PTPRB: variants seen among roughly 807,000 people sequenced by gnomAD.
The protein encoded by PTPRB is receptor-type tyrosine-protein phosphatase beta.
A neutral mutation model predicts 238.1 loss-of-function variants in PTPRB; 97 were observed. The ratio of observed to expected loss-of-function variants is 0.41; its 90% CI spans 0.35 to 0.48. PTPRB has a LOEUF of 0.48. PTPRB is among the 20% of genes least tolerant of loss of function. The pLI is 0.30. For synonymous variants in PTPRB, 970 were observed against 995.4 expected (o/e 0.97, Z 0.48); for missense variants, 2,292 against 2,681.9 (o/e 0.85, Z 3.21).
chr12:70,626,292 C>CATCCATCTATCT lies in PTPRB; in HGVS notation c.452-3658_452-3647dup, dbSNP rs1373227963. ...ACTTTAGAAAAGGATGATGTCTATC[C>CATCCATCTATCT]ATCCATCTATCTATCTATCTATCTA... On this transcript the variant is annotated intron_variant, in intron 2 of 33. Coordinates refer to ENST00000334414, the MANE Select transcript of PTPRB (RefSeq NM_001109754.4). Among the ~76,000 whole-genome samples, 5 of 115,766 alleles carry CATCCATCTATCT rather than the reference C, an allele frequency of 4.3e-5. 1 individual carries two copies. The highest frequency in any genetic ancestry group is 1.8e-4 in the African/African-American group (5 of 28,408). The allele number at this position is 115,766 out of a possible 152,430, so 75.9% of individuals were successfully genotyped here.
At chr12:70,557,287 A>C (rs1180673720) in intron 18 of PTPRB, among the ~76,000 whole-genome samples, 2 of 151,786 alleles carry the variant, frequency 1.3e-5, no homozygotes, top group African/African-American at 4.8e-5. Context: ...GAATGATTTT[A>C]CATGAAAATT....
rs1023714234 is a variant in PTPRB, at chr12:70,538,940, G to A, written c.5853C>T (p.Tyr1951=). The part of the protein sequence containing the change: ...LLPENRGKNR[Y]NNILPYDATR... ...AAAACTTACAGGGCAATATATTGTT[G>A]TATCGATTTTTCCCTCTATTCTCCG... The change falls in exon 27 of 34, where the codon TAC becomes TAT. Residue 1951 remains tyrosine, a synonymous_variant. Coordinates refer to ENST00000334414, the MANE Select transcript of PTPRB (RefSeq NM_001109754.4). 1.2e-6 allele frequency: 2 copies of A among 1,613,028 alleles called. No individual in the cohort carries two copies. The highest frequency in any genetic ancestry group is 8.5e-7 in the Non-Finnish European group (1 of 1,179,382).
At chr12:70,566,914 A>AT (rs1204063438) in intron 14 of PTPRB, among the ~76,000 whole-genome samples, 2 of 152,160 alleles carry the variant, frequency 1.3e-5, no homozygotes, top group Non-Finnish European at 2.9e-5. Flanking sequence ...TTGATTCTCC[A>AT]TTTTTTCTCT....
At chr12:70,574,761 T>C (rs1199106454) in intron 11 of PTPRB, among the ~76,000 whole-genome samples, 2 of 152,218 alleles carry the variant, frequency 1.3e-5, no homozygotes, top group African/African-American at 4.8e-5. Context: ...AACTGATTTG[T>C]CAGGGGCAAT....
chr12:70,523,911 G>A (rs1186181602), intron 33 of PTPRB, among the ~76,000 whole-genome samples: 1 of 151,834 alleles, frequency 6.6e-6, no homozygotes, highest in East Asian at 1.9e-4. Flanking sequence ...TACCTCCCAG[G>A]TTCAAGCAGT....
chr12:70,533,803 T>C (rs1178272556), intron 31 of PTPRB, among the ~76,000 whole-genome samples: 2 of 152,190 alleles, frequency 1.3e-5, no homozygotes, highest in East Asian at 3.9e-4. Context: ...AGCCTTTGTC[T>C]GCTCTGGAGG....
At chr12:70,615,581 T>A (rs1884642360) in intron 3 of PTPRB, among the ~76,000 whole-genome samples, 1 of 152,238 alleles carries the variant, frequency 6.6e-6, no homozygotes, top group Non-Finnish European at 1.5e-5. Flanking sequence ...AAATAATTTA[T>A]AATCAGATGT....
chr12:70,618,102 T>C (rs1884760857), intron 3 of PTPRB, among the ~76,000 whole-genome samples: 1 of 152,012 alleles, frequency 6.6e-6, no homozygotes, highest in South Asian at 2.1e-4. Context: ...TTGTTTTTTG[T>C]TTGTTTGTTT....
intron 3 of PTPRB, among the ~76,000 whole-genome samples, chr12:70,620,090 G>A (rs914377327): frequency 3.9e-5 from 6 of 152,156 alleles, no homozygotes. Context: ...TAGCTTACCA[G>A]GACATAGTTA....
At chr12:70,613,742 A>G (rs1884561445) in intron 3 of PTPRB, among the ~76,000 whole-genome samples, 1 of 152,186 alleles carries the variant, frequency 6.6e-6, no homozygotes, top group Non-Finnish European at 1.5e-5. Context: ...CTTCTTGCAC[A>G]GGGATTTTCA....
chr12:70,624,750 G>A (rs564127562), intron 2 of PTPRB, among the ~76,000 whole-genome samples: 1 of 152,176 alleles, frequency 6.6e-6, no homozygotes, highest in African/African-American at 2.4e-5. Context: ...TAACCGTGGG[G>A]TTAGGACAAA....
chr12:70,559,840 CT>C (rs10708359), intron 17 of PTPRB, among the ~76,000 whole-genome samples: 50,541 of 117,710 alleles, frequency 0.43, 9,871 homozygotes, highest in African/African-American at 0.57. Flanking sequence ...TTTTTTTTCA[CT>C]TTTTTTTTTT....
chr12:70,530,146 T>G (rs1388679566), intron 32 of PTPRB, among the ~76,000 whole-genome samples: 2 of 152,238 alleles, frequency 1.3e-5, no homozygotes, highest in Admixed American at 6.5e-5. Flanking sequence ...ATGAAATATG[T>G]AAACTCTGGA....
At chr12:70,571,371 G>A in intron 12 of PTPRB, 82 bp from the exon 13 acceptor site, 10 of 1,343,976 alleles carry the variant, frequency 7.4e-6, no homozygotes, top group Non-Finnish European at 1.0e-5. Context: ...TCACATTCAA[G>A]GAACTGGCAA....
At chr12:70,593,513 CAAA>C (rs71437149) in intron 6 of PTPRB, among the ~76,000 whole-genome samples, 156 of 36,692 alleles carry the variant, frequency 4.3e-3, no homozygotes, top group African/African-American at 0.017. Flanking sequence ...AACTCTGTCT[CAAA>C]AAAAAAAAAA....
At chr12:70,590,557 C>T (rs1882379274) in intron 7 of PTPRB, among the ~76,000 whole-genome samples, 1 of 143,608 alleles carries the variant, frequency 7.0e-6, no homozygotes, top group South Asian at 2.3e-4. Flanking sequence ...TCTTTTCCAA[C>T]TAAAAAGATT....
At chr12:70,524,407 G>A (rs545790092) in intron 33 of PTPRB, 64 bp downstream of exon 33, 2 of 1,506,354 alleles carry the variant, frequency 1.3e-6, no homozygotes, top group South Asian at 1.3e-5. Context: ...AAGCCTCTAT[G>A]CCTGGCCAGA....
chr12:70,580,895 G>T, intron 10 of PTPRB, 141 bp downstream of exon 10: 1 of 871,752 alleles, frequency 1.1e-6, no homozygotes, highest in Non-Finnish European at 1.7e-6. Context: ...TATACCTTCT[G>T]GATGGCTAGC....
chr12:70,539,742 C>G (rs1404585664), intron 25 of PTPRB, 36 bp from the exon 26 acceptor site: 2 of 1,595,916 alleles, frequency 1.3e-6, no homozygotes, highest in African/African-American at 1.3e-5. Context: ...AAAAGAGTTA[C>G]TGCAGAAAAG....
Sources: gnomAD v4.1 joint callset for allele counts (sites outside exome capture counted in the v4.1 genomes callset) on GRCh38, gnomAD v4.1.1 for gene constraint, MANE v1.5 for transcripts, NCBI Gene and HGNC (gene_info 2026-07-23, HGNC 2026-07-21) for gene names.